Variants in SH3PXD2A observed in about 807,000 individuals in gnomAD.
SH3PXD2A encodes the protein SH3 and PX domains 2A, also known as SH3 and PX domain-containing protein 2A.
In SH3PXD2A, 32 loss-of-function variants were observed where a neutral mutation model predicts 115.2. The ratio of observed to expected loss-of-function variants is 0.28; its 90% CI spans 0.21 to 0.37. SH3PXD2A has a LOEUF of 0.37. Among genes scored for constraint, SH3PXD2A ranks in the 10% least tolerant of loss-of-function variants. The probability of loss-of-function intolerance (pLI) is 1.00; values close to 1 mark genes in which losing one functional copy is unlikely to be tolerated. For missense variants in SH3PXD2A, 1,328 were observed against 1,498.7 expected, an observed-to-expected ratio of 0.89 and a Z score of 1.88; for synonymous variants, 610 against 629.1, an observed-to-expected ratio of 0.97 and a Z score of 0.45.
chr10:103,808,398 C>G (rs1293543027), intron 1 of SH3PXD2A, among the ~76,000 whole-genome samples: 1 of 152,122 alleles, frequency 6.6e-6, no homozygotes, highest in African/African-American at 2.4e-5. Flanking sequence ...ATTGCAGGTG[C>G]CTGCCATCAC....
At chr10:103,795,915 G>A (rs1185559578) in intron 2 of SH3PXD2A, among the ~76,000 whole-genome samples, 3 of 107,708 alleles carry the variant, frequency 2.8e-5, no homozygotes, top group Non-Finnish European at 4.0e-5. Context: ...AGGAAGGAAG[G>A]AAGGAAGGAA....
At chr10:103,832,837 C>T (rs1159555068) in intron 1 of SH3PXD2A, among the ~76,000 whole-genome samples, 1 of 152,030 alleles carries the variant, frequency 6.6e-6, no homozygotes, top group East Asian at 1.9e-4. Context: ...TACATGTATA[C>T]ATGTGTAACA....
intron 2 of SH3PXD2A, among the ~76,000 whole-genome samples, chr10:103,785,099 C>G (rs897481395): frequency 6.6e-6 from 1 of 152,194 alleles, no homozygotes; most frequent in Non-Finnish European, 1.5e-5. Flanking sequence ...AACGGCTGTT[C>G]ACTGATAGAA....
At chr10:103,792,764 C>G (rs890489771) in intron 2 of SH3PXD2A, among the ~76,000 whole-genome samples, 2 of 152,184 alleles carry the variant, frequency 1.3e-5, no homozygotes, top group African/African-American at 4.8e-5. Context: ...AGAACCCCCA[C>G]CCAACTGCTT....
chr10:103,626,903 C>G (rs768803090), intron 9 of SH3PXD2A, among the ~76,000 whole-genome samples, 186 bp downstream of exon 9: 8 of 152,140 alleles, frequency 5.3e-5, no homozygotes, highest in Non-Finnish European at 8.8e-5. Flanking sequence ...TGAGACAGAG[C>G]AGCAGGGGTC....
chr10:103,847,313 T>A (rs1045930571), intron 1 of SH3PXD2A, among the ~76,000 whole-genome samples: 29 of 151,906 alleles, frequency 1.9e-4, no homozygotes, highest in Non-Finnish European at 3.5e-4. Flanking sequence ...CCTAGCTTTT[T>A]AGAATTTTTT....
intron 1 of SH3PXD2A, among the ~76,000 whole-genome samples, chr10:103,846,974 T>A (rs370551907): frequency 6.6e-6 from 1 of 152,228 alleles, no homozygotes; most frequent in African/African-American, 2.4e-5. Context: ...GGGAGCTACA[T>A]GCTGCGTGGG....
chr10:103,667,672 G>A (rs891916225), intron 7 of SH3PXD2A, among the ~76,000 whole-genome samples: 2 of 152,154 alleles, frequency 1.3e-5, no homozygotes, highest in Admixed American at 6.5e-5. Flanking sequence ...ACTGGGGCTG[G>A]CCCAGCCCCA....
At chr10:103,815,494 C>T (rs2039315291) in intron 1 of SH3PXD2A, among the ~76,000 whole-genome samples, 1 of 149,686 alleles carries the variant, frequency 6.7e-6, no homozygotes, top group African/African-American at 2.4e-5. Flanking sequence ...TACACACACA[C>T]ACAGTGGAAT....
chr10:103,796,059 C>G (rs577355688), intron 2 of SH3PXD2A, among the ~76,000 whole-genome samples: 1 of 152,154 alleles, frequency 6.6e-6, no homozygotes, highest in African/African-American at 2.4e-5. Flanking sequence ...GCTGCTGTCA[C>G]TAATTAAGAC....
intron 3 of SH3PXD2A, among the ~76,000 whole-genome samples, chr10:103,750,561 T>C (rs368852848): frequency 2.4e-4 from 36 of 152,276 alleles, no homozygotes; most frequent in African/African-American, 8.4e-4. Flanking sequence ...AGAGTCTGCC[T>C]TTTTCATGAG....
intron 9 of SH3PXD2A, among the ~76,000 whole-genome samples, chr10:103,622,911 G>A (rs2036629393): frequency 6.6e-6 from 1 of 152,156 alleles, no homozygotes; most frequent in Non-Finnish European, 1.5e-5. Context: ...TGAGATCAGT[G>A]TCCCTCACTG....
chr10:103,699,684 C>T (rs966664660), intron 5 of SH3PXD2A, among the ~76,000 whole-genome samples: 4 of 152,160 alleles, frequency 2.6e-5, no homozygotes, highest in Non-Finnish European at 5.9e-5. Context: ...GAATGGCCTC[C>T]AGAGGCAGCA....
intron 4 of SH3PXD2A, among the ~76,000 whole-genome samples, chr10:103,728,340 G>A (rs371766345): frequency 6.6e-6 from 1 of 152,222 alleles, no homozygotes. Context: ...AATGTGAGCC[G>A]TGATAACATT....
At chr10:103,637,388 A>G (rs2036883208) in intron 8 of SH3PXD2A, among the ~76,000 whole-genome samples, 1 of 152,142 alleles carries the variant, frequency 6.6e-6, no homozygotes, top group African/African-American at 2.4e-5. Flanking sequence ...ACACCAGGTA[A>G]TTCAGAGCTC....
At chr10:103,801,683 A>G (rs1417898273) in intron 1 of SH3PXD2A, among the ~76,000 whole-genome samples, 1 of 152,214 alleles carries the variant, frequency 6.6e-6, no homozygotes, top group African/African-American at 2.4e-5. Context: ...TACAATAAAC[A>G]TAAAATTGAG....
chr10:103,840,807 C>T (rs1008624601), intron 1 of SH3PXD2A, among the ~76,000 whole-genome samples: 1 of 151,010 alleles, frequency 6.6e-6, no homozygotes, highest in African/African-American at 2.5e-5. Flanking sequence ...TAGTGGCGGG[C>T]ACATCGTTCA....
At chr10:103,703,550 A>G (rs1309410395) in intron 5 of SH3PXD2A, among the ~76,000 whole-genome samples, 2 of 152,124 alleles carry the variant, frequency 1.3e-5, no homozygotes, top group Admixed American at 1.3e-4. Context: ...TTGACCCCCA[A>G]TAGCACTGAA....
chr10:103,698,356 T>G (rs528088884), intron 5 of SH3PXD2A, among the ~76,000 whole-genome samples: 24 of 152,344 alleles, frequency 1.6e-4, no homozygotes, highest in Admixed American at 6.5e-5. Flanking sequence ...GGCAAGTGCC[T>G]TGGCAGAGAA....
Sources: allele counts gnomAD v4.1 joint callset (sites outside exome capture counted in the v4.1 genomes callset), GRCh38; gene constraint gnomAD v4.1.1; transcripts MANE v1.5; gene names NCBI Gene and HGNC (gene_info 2026-07-23, HGNC 2026-07-21).